FOXN3: variants seen among roughly 807,000 people sequenced by gnomAD.
The protein encoded by FOXN3 is forkhead box protein N3.
In FOXN3, 7 loss-of-function variants were observed where a neutral mutation model predicts 38.4. The ratio of observed to expected loss-of-function variants is 0.18; its 90% CI spans 0.10 to 0.34. The LOEUF is 0.34. Among genes scored for constraint, FOXN3 ranks in the 10% least tolerant of loss-of-function variants. FOXN3 has a pLI of 1.00. For synonymous variants in FOXN3, 230 were observed against 242.2 expected (o/e 0.95, Z 0.47); for missense variants, 456 against 613.4 (o/e 0.74, Z 2.71).
chr14:89,367,727 C>A (rs1890199013), intron 2 of FOXN3, among the ~76,000 whole-genome samples: 1 of 152,180 alleles, frequency 6.6e-6, no homozygotes, highest in South Asian at 2.1e-4. Flanking sequence ...ACCAACTGAC[C>A]TGGCCCCTGG....
chr14:89,439,588 T>C (rs1043045489), intron 1 of FOXN3, among the ~76,000 whole-genome samples: 1 of 151,468 alleles, frequency 6.6e-6, no homozygotes, highest in Non-Finnish European at 1.5e-5. Context: ...CATCAAGAAA[T>C]AACCATAAAA....
At chr14:89,424,443 A>C (rs1169078924) in intron 1 of FOXN3, among the ~76,000 whole-genome samples, 2 of 152,224 alleles carry the variant, frequency 1.3e-5, no homozygotes, top group African/African-American at 2.4e-5. Context: ...TAAGTACAAC[A>C]AACATTATAT....
In FOXN3 at chr14:89,285,954, G is replaced by T. The variant is rs1007245017; in HGVS notation, c.681-4940C>A. Among the ~76,000 whole-genome samples, 11 of 151,082 alleles carry T rather than the reference G, an allele frequency of 7.3e-5. No homozygotes were observed. In the East Asian group the frequency reaches 1.9e-3, roughly 27 times the overall value. ...CAATCTCAGCTCACCGCAGCCTCCA[G>T]CTCCTGGACTCAAGCAATCCTCCTG... On this transcript the variant is annotated intron_variant, in intron 3 of 5. Coordinates refer to ENST00000557258, the MANE Select transcript of FOXN3 (RefSeq NM_005197.4).
At chr14:89,271,625 G>A (rs1886153083) in intron 4 of FOXN3, among the ~76,000 whole-genome samples, 1 of 152,142 alleles carries the variant, frequency 6.6e-6, no homozygotes, top group South Asian at 2.1e-4. Context: ...CTCTCACTGT[G>A]TTAATCTTTG....
intron 2 of FOXN3, among the ~76,000 whole-genome samples, chr14:89,357,140 C>T (rs750387077): frequency 4.6e-5 from 7 of 151,888 alleles, no homozygotes; most frequent in Non-Finnish European, 7.4e-5. Context: ...AGCATGAGTC[C>T]GGGAGTCTGA....
chr14:89,340,047 T>G (rs1888572187), intron 3 of FOXN3, among the ~76,000 whole-genome samples: 1 of 151,776 alleles, frequency 6.6e-6, no homozygotes, highest in South Asian at 2.1e-4. Context: ...ACAAAAAGCT[T>G]TCATTCAGAA....
At chr14:89,415,622 A>C (rs888058122) in intron 1 of FOXN3, among the ~76,000 whole-genome samples, 157 of 149,370 alleles carry the variant, frequency 1.1e-3, no homozygotes, top group African/African-American at 3.7e-3. Context: ...AAAAAAAAAA[A>C]AAAAAAAAAC....
At position 89,253,909 on chromosome 14, in the gene FOXN3, C is replaced by A. The variant is rs59940178; in HGVS notation, c.745+27041G>T. On this transcript the variant is annotated intron_variant, in intron 4 of 5. Transcript: ENST00000557258. ...TTTGTTTCCTCATCGGCACATGGTA[C>A]CTGTCCCAATGGCTGTTGCTGGGAT... Among the ~76,000 whole-genome samples, 393 of 152,342 alleles carry A rather than the reference C, an allele frequency of 2.6e-3. 1 individual carries two copies. The highest frequency in any genetic ancestry group is 9.2e-3 in the African/African-American group (381 of 41,578).
At chr14:89,176,117 A>G (rs1439668027) in intron 5 of FOXN3, among the ~76,000 whole-genome samples, 3 of 152,232 alleles carry the variant, frequency 2.0e-5, no homozygotes, top group African/African-American at 7.2e-5. Context: ...TTTAAAAATA[A>G]GCAGGTTTCC....
At chr14:89,535,697 A>G (rs1894670500) in intron 1 of FOXN3, among the ~76,000 whole-genome samples, 1 of 152,170 alleles carries the variant, frequency 6.6e-6, no homozygotes, top group African/African-American at 2.4e-5. Flanking sequence ...ACCTTTGTCT[A>G]TTCTGTTCTT....
At chr14:89,257,615 T>C (rs1304209143) in intron 4 of FOXN3, among the ~76,000 whole-genome samples, 1 of 152,140 alleles carries the variant, frequency 6.6e-6, no homozygotes, top group Non-Finnish European at 1.5e-5. Flanking sequence ...TTGGGCATAG[T>C]GGCGCACACC....
At chr14:89,577,438 A>T (rs1453435188) in intron 1 of FOXN3, 1 of 152,236 alleles carries the variant, frequency 6.6e-6, no homozygotes, top group Non-Finnish European at 1.5e-5. Context: ...CGAATCAGGA[A>T]GGTCCTAGGA....
chr14:89,445,146 A>T (rs933908951), intron 1 of FOXN3, among the ~76,000 whole-genome samples: 10 of 149,738 alleles, frequency 6.7e-5, no homozygotes, highest in South Asian at 6.3e-4. Context: ...AAAATAAAAT[A>T]AAATAAAAAA....
At chr14:89,225,127 CAA>C (rs35426984) in intron 4 of FOXN3, among the ~76,000 whole-genome samples, 41 of 102,240 alleles carry the variant, frequency 4.0e-4, no homozygotes, top group Admixed American at 5.4e-4. Context: ...GACTCCATCT[CAA>C]AAAAAAAAAA....
chr14:89,422,346 T>C (rs897675325), intron 1 of FOXN3, among the ~76,000 whole-genome samples: 4 of 152,166 alleles, frequency 2.6e-5, no homozygotes, highest in Admixed American at 1.3e-4. Context: ...TGTGAATCTC[T>C]CACAAGCTCC....
At chr14:89,277,286 C>A (rs887028763) in intron 4 of FOXN3, among the ~76,000 whole-genome samples, 2 of 152,190 alleles carry the variant, frequency 1.3e-5, no homozygotes, top group Non-Finnish European at 2.9e-5. Context: ...GGACACCTGT[C>A]AGCTGGCCAC....
chr14:89,229,571 G>A (rs1884744852), intron 4 of FOXN3, among the ~76,000 whole-genome samples: 1 of 152,274 alleles, frequency 6.6e-6, no homozygotes. Context: ...GAGAATCAAC[G>A]TGTTGCTGTT....
At position 89,163,747 on chromosome 14, in the gene FOXN3, T is replaced by C. The variant is rs1280638992; in HGVS notation, c.852-778A>G. 6.6e-6 allele frequency among the ~76,000 whole-genome samples: 1 copy of C among 152,220 alleles called. No individual in the cohort carries two copies. Among genetic ancestry groups the C allele is most frequent in the African/African-American group, 2.4e-5 (1 of 41,446 alleles). ...CTCCGTAAGGTGGATATTAGCATCC[T>C]TATTTTACAGTGGCTCGAAGTGAAG... On this transcript the variant is annotated intron_variant, in intron 5 of 5. Transcript: ENST00000557258. The surrounding 1 kb of genome is among the most constrained non-coding windows in gnomAD (Gnocchi z 4.3).
At chr14:89,295,579 T>C (rs188463875) in intron 3 of FOXN3, among the ~76,000 whole-genome samples, 1 of 151,526 alleles carries the variant, frequency 6.6e-6, no homozygotes, top group Non-Finnish European at 1.5e-5. Context: ...CACTAAGGAT[T>C]TTTTTTTTCC....
Sources: gnomAD v4.1 joint callset for allele counts (sites outside exome capture counted in the v4.1 genomes callset) on GRCh38, gnomAD v4.1.1 for gene constraint, Gnocchi (gnomAD v3.1) non-coding constraint, MANE v1.5 for transcripts, NCBI Gene and HGNC (gene_info 2026-07-23, HGNC 2026-07-21) for gene names.